Variants in TCF12 observed in about 807,000 individuals in gnomAD.
The protein encoded by TCF12 is transcription factor 12.
TCF12 carries 45 observed loss-of-function variants against 86.0 expected under a neutral mutation model. The ratio of observed to expected loss-of-function variants is 0.52; its 90% CI spans 0.41 to 0.67. The LOEUF (loss-of-function observed/expected upper bound fraction) is 0.67. Ranked by LOEUF, TCF12 falls within the 30% of genes least tolerant of loss-of-function variation. TCF12 has a pLI of 0.00. For missense variants in TCF12, 881 were observed against 859.9 expected, an observed-to-expected ratio of 1.02 and a Z score of -0.31; for synonymous variants, 330 against 299.6, an observed-to-expected ratio of 1.10 and a Z score of -1.05.
intron 3 of TCF12, among the ~76,000 whole-genome samples, chr15:56,927,659 A>G (rs1267768236): frequency 6.6e-6 from 1 of 151,998 alleles, no homozygotes. Context: ...CTTTTTGTGT[A>G]TGTATATGTT....
At chr15:56,919,110 T>G (rs1275531666) in intron 1 of TCF12, 1 of 151,368 alleles carries the variant, frequency 6.6e-6, no homozygotes, top group East Asian at 2.0e-4. Context: ...TCAGGCCCGC[T>G]GGCGGCGCGC....
At chr15:56,919,824 C>G in intron 1 of TCF12, 68 bp from the exon 2 acceptor site, 2 of 1,411,050 alleles carry the variant, frequency 1.4e-6, no homozygotes, top group East Asian at 2.3e-5. Flanking sequence ...TCCCCAGTAC[C>G]TCTCTCTGTT....
At chr15:57,206,582 CTTTTTTTTT>C (rs67531540) in intron 8 of TCF12, among the ~76,000 whole-genome samples, 1 of 83,808 alleles carries the variant, frequency 1.2e-5, no homozygotes, top group Non-Finnish European at 2.3e-5. Flanking sequence ...CTTGTATTCT[CTTTTTTTTT>C]TTTTTTTTTT....
chr15:56,946,165 C>T (rs535758976), intron 3 of TCF12, among the ~76,000 whole-genome samples: 29 of 152,268 alleles, frequency 1.9e-4, no homozygotes, highest in African/African-American at 5.1e-4. Flanking sequence ...GAAAACATTT[C>T]GGCTGCTCTA....
intron 5 of TCF12, among the ~76,000 whole-genome samples, chr15:57,119,818 A>G (rs12595074): frequency 0.1 from 15,678 of 152,134 alleles, 973 homozygotes; most frequent in South Asian, 0.18. Flanking sequence ...TTCCCATAGT[A>G]CTTTATATCT....
chr15:57,252,586 CT>C, intron 15 of TCF12, 94 bp downstream of exon 15: 1 of 1,004,570 alleles, frequency 1.0e-6, no homozygotes. Context: ...AGACTCCCAT[CT>C]TTAAAAATCA....
At chr15:56,971,689 G>C (rs1189320905) in intron 3 of TCF12, among the ~76,000 whole-genome samples, 1 of 152,178 alleles carries the variant, frequency 6.6e-6, no homozygotes, top group Non-Finnish European at 1.5e-5. Context: ...ACGCTACTAA[G>C]AATGGCACAC....
chr15:57,096,600 A>G (rs1244297211), intron 5 of TCF12, among the ~76,000 whole-genome samples: 13 of 152,336 alleles, frequency 8.5e-5, no homozygotes, highest in African/African-American at 3.1e-4. Flanking sequence ...TATAACTTAC[A>G]TATAATACCT....
chr15:56,918,374 C>A (rs1358332950), upstream of TCF12: 2 of 379,636 alleles, frequency 5.3e-6, no homozygotes, highest in East Asian at 8.3e-5. Context: ...CCACCCCGCT[C>A]CCAGGAGGCC....
intron 3 of TCF12, among the ~76,000 whole-genome samples, chr15:56,947,342 A>G (rs1332101439): frequency 1.3e-5 from 2 of 152,120 alleles, no homozygotes; most frequent in Non-Finnish European, 2.9e-5. Context: ...CGGGACTCCA[A>G]GGTGACTCCA....
chr15:57,164,600 A>T (rs1231630890), intron 5 of TCF12, among the ~76,000 whole-genome samples: 1 of 152,124 alleles, frequency 6.6e-6, no homozygotes, highest in African/African-American at 2.4e-5. Flanking sequence ...GGATTATGGG[A>T]TCTACAATTC....
intron 3 of TCF12, among the ~76,000 whole-genome samples, chr15:57,043,366 A>C (rs898499219): frequency 6.6e-6 from 1 of 152,024 alleles, no homozygotes; most frequent in Non-Finnish European, 1.5e-5. Context: ...CTGCCATACT[A>C]TTTTCCATGG....
At chr15:57,277,766 G>A (rs2061472248) in intron 19 of TCF12, among the ~76,000 whole-genome samples, 2 of 151,482 alleles carry the variant, frequency 1.3e-5, no homozygotes, top group Non-Finnish European at 2.9e-5. Flanking sequence ...CAGTTAGGCC[G>A]CATCTCTAAA....
At chr15:57,093,388 G>A (rs1339063709) in intron 5 of TCF12, among the ~76,000 whole-genome samples, 2 of 152,078 alleles carry the variant, frequency 1.3e-5, no homozygotes, top group Non-Finnish European at 2.9e-5. Context: ...TGTAATTTTG[G>A]ATTAAACTAA....
At chr15:57,032,877 T>C (rs1456035050) in intron 3 of TCF12, among the ~76,000 whole-genome samples, 1 of 152,208 alleles carries the variant, frequency 6.6e-6, no homozygotes, top group Admixed American at 6.5e-5. Context: ...AATATTAATG[T>C]TGGAATTATT....
chr15:57,044,095 A>G (rs529789130), intron 3 of TCF12, among the ~76,000 whole-genome samples: 132 of 152,328 alleles, frequency 8.7e-4, no homozygotes, highest in African/African-American at 3.1e-3. Flanking sequence ...CAGTTTTTGA[A>G]TTAAATGGGA....
intron 5 of TCF12, among the ~76,000 whole-genome samples, chr15:57,092,269 T>A (rs145639926): frequency 4.5e-4 from 69 of 152,330 alleles, no homozygotes; most frequent in African/African-American, 1.6e-3. Context: ...GACATAGCAG[T>A]GATTTTAGGC....
intron 8 of TCF12, among the ~76,000 whole-genome samples, chr15:57,209,187 A>G (rs1319929806): frequency 6.6e-6 from 1 of 152,160 alleles, no homozygotes; most frequent in African/African-American, 2.4e-5. Flanking sequence ...GTACTTTTTA[A>G]CTTACTTCTC....
chr15:56,989,041 A>AT (rs2063323735), intron 3 of TCF12, among the ~76,000 whole-genome samples: 2 of 152,196 alleles, frequency 1.3e-5, no homozygotes, highest in Non-Finnish European at 2.9e-5. Context: ...AAAAATAAAG[A>AT]TTTTAAAAAT....
Sources: gnomAD v4.1 joint callset for allele counts (sites outside exome capture counted in the v4.1 genomes callset) on GRCh38, gnomAD v4.1.1 for gene constraint, MANE v1.5 for transcripts, NCBI Gene and HGNC (gene_info 2026-07-23, HGNC 2026-07-21) for gene names.